DNAJC13: variants seen among roughly 807,000 people sequenced by gnomAD.
DNAJC13 encodes the protein DnaJ heat shock protein family (Hsp40) member C13, also known as dnaJ homolog subfamily C member 13.
DNAJC13 carries 75 observed loss-of-function variants against 290.5 expected under a neutral mutation model. That is an observed-to-expected ratio of 0.26 (90% CI 0.21 to 0.31). The LOEUF is 0.31. Among genes scored for constraint, DNAJC13 ranks in the 10% least tolerant of loss-of-function variants. The probability of loss-of-function intolerance (pLI) is 1.00; values close to 1 mark genes in which losing one functional copy is unlikely to be tolerated. For missense variants in DNAJC13, 2,260 were observed against 2,674.5 expected (o/e 0.85, Z 3.42); for synonymous variants, 862 against 892.0 (o/e 0.97, Z 0.60).
intron 9 of DNAJC13, among the ~76,000 whole-genome samples, chr3:132,454,575 A>G (rs1167114982): frequency 2.0e-5 from 3 of 151,838 alleles, no homozygotes; most frequent in Non-Finnish European, 4.4e-5. Context: ...CCTGACCTCA[A>G]GTGATCCGCC....
At chr3:132,435,969 A>G (rs112994955) in intron 2 of DNAJC13, among the ~76,000 whole-genome samples, 2 of 152,302 alleles carry the variant, frequency 1.3e-5, no homozygotes, top group East Asian at 1.9e-4. Flanking sequence ...GTAATAATTC[A>G]GAGTACAACT....
intron 2 of DNAJC13, among the ~76,000 whole-genome samples, chr3:132,439,747 C>T (rs1364256179): frequency 2.6e-5 from 4 of 152,140 alleles, no homozygotes; most frequent in Non-Finnish European, 5.9e-5. Flanking sequence ...TCTTCTAAAG[C>T]TCTTACTGAG....
intron 1 of DNAJC13, among the ~76,000 whole-genome samples, chr3:132,424,046 T>G (rs1939029584): frequency 6.6e-6 from 1 of 152,136 alleles, no homozygotes; most frequent in Admixed American, 6.5e-5. Context: ...ATAAGCCAGG[T>G]TATGCTTCAA....
chr3:132,424,453 G>C (rs1315454023), intron 1 of DNAJC13, among the ~76,000 whole-genome samples: 1 of 152,072 alleles, frequency 6.6e-6, no homozygotes, highest in African/African-American at 2.4e-5. Flanking sequence ...CTCCCATTAA[G>C]TGTTTCTTCA....
chr3:132,457,211 T>A, intron 12 of DNAJC13, 58 bp from the exon 13 acceptor site: 1 of 1,228,220 alleles, frequency 8.1e-7, no homozygotes, highest in East Asian at 2.4e-5. Context: ...ATTTCAATAA[T>A]ATAACAATTT....
rs1245771825 is a variant in DNAJC13 at position 132,538,182 on chromosome 3, G to C, written c.6632G>C (p.Gly2211Ala). ...SQTAGYLTGP[G>A]VAGYLTAGTS... is the part of the protein sequence containing the mutation. ...TTACCTTTCTCTCTTGCAGGACCTGGAGTTGCTGGCTACCTTACCGCAGGT... is the reference window on the plus strand; with the variant it reads ...TTACCTTTCTCTCTTGCAGGACCTGCAGTTGCTGGCTACCTTACCGCAGGT... Residue 2211 changes from glycine (G) to alanine (A), a missense_variant, in exon 56 of 56, where the codon GGA (glycine) becomes GCA (alanine). Transcript: ENST00000260818. The C allele has an allele frequency of 2.5e-6, 4 of 1,613,548 alleles. No homozygotes were observed. Among genetic ancestry groups the C allele is most frequent in the Non-Finnish European group, 3.4e-6 (4 of 1,179,818 alleles).
chr3:132,514,936 G>A, intron 46 of DNAJC13: 1 of 309,730 alleles, frequency 3.2e-6, no homozygotes, highest in Non-Finnish European at 6.0e-6. Flanking sequence ...TCTACACATG[G>A]GTAATTGAGA....
chr3:132,530,155 C>A (rs557006172), intron 54 of DNAJC13, among the ~76,000 whole-genome samples: 6 of 152,108 alleles, frequency 3.9e-5, no homozygotes, highest in Admixed American at 3.9e-4. Flanking sequence ...CAGGTGCCCC[C>A]CTCCCTTGGA....
In DNAJC13 at chr3:132,461,302, C is replaced by T. The variant is rs1326052045; in HGVS notation, c.1713+97C>T. On this transcript the variant is annotated intron_variant, in intron 15 of 55. Coordinates refer to ENST00000260818, the MANE Select transcript of DNAJC13 (RefSeq NM_015268.4). ...AGATAACATTTGCATACTTCTATAG[C>T]AGAGGTGTCCAGTCGTTTGGCTTTC... The T allele has an allele frequency of 3.3e-5, 44 of 1,344,310 alleles. 1 individual carries two copies. The highest frequency in any genetic ancestry group is 4.1e-5 in the Non-Finnish European group (39 of 952,332). 83.3% of individuals were successfully genotyped at this position (1,344,310 alleles called of 1,614,324 possible). A position where few individuals can be genotyped will look rare whatever the true frequency, so the allele number is the denominator to read the frequency against.
intron 2 of DNAJC13, among the ~76,000 whole-genome samples, chr3:132,439,675 A>G (rs932898610): frequency 6.6e-6 from 1 of 152,246 alleles, no homozygotes; most frequent in East Asian, 1.9e-4. Context: ...GAAAAGATAC[A>G]GACATTGCAT....
At chr3:132,509,695 C>T (rs1935707401) in intron 43 of DNAJC13, among the ~76,000 whole-genome samples, 1 of 152,216 alleles carries the variant, frequency 6.6e-6, no homozygotes, top group African/African-American at 2.4e-5. Context: ...TCAGCAACCA[C>T]CACCCTGATT....
intron 3 of DNAJC13, 102 bp from the exon 4 acceptor site, chr3:132,447,219 T>C (rs1933275440): frequency 3.0e-6 from 3 of 1,010,434 alleles, no homozygotes; most frequent in Non-Finnish European, 4.0e-6. Context: ...TTTTATAAAA[T>C]TTTGCTGATT....
chr3:132,457,411 G>A (rs892125388), intron 13 of DNAJC13, 43 bp downstream of exon 13: 1 of 1,501,250 alleles, frequency 6.7e-7, no homozygotes, highest in African/African-American at 1.4e-5. Flanking sequence ...TTCTTAAGTT[G>A]ACTGGTGGTT....
intron 1 of DNAJC13, among the ~76,000 whole-genome samples, chr3:132,426,619 A>G (rs564649860): frequency 6.6e-6 from 1 of 152,280 alleles, no homozygotes; most frequent in East Asian, 1.9e-4. Context: ...TACCTGCTTG[A>G]TACTTGAGCT....
intron 44 of DNAJC13, 86 bp from the exon 45 acceptor site, chr3:132,512,922 A>G (rs1271773003): frequency 1.7e-5 from 18 of 1,084,740 alleles, no homozygotes; most frequent in Non-Finnish European, 2.4e-5. Context: ...TAAAATTGAC[A>G]GTAAACAACA....
intron 20 of DNAJC13, among the ~76,000 whole-genome samples, chr3:132,468,797 A>G (rs756881294): frequency 1.3e-5 from 2 of 152,194 alleles, no homozygotes; most frequent in Non-Finnish European, 2.9e-5. Flanking sequence ...TGATTTTCAC[A>G]GTTATTAAAA....
intron 9 of DNAJC13, among the ~76,000 whole-genome samples, chr3:132,454,809 T>C (rs1933541817): frequency 6.6e-6 from 1 of 151,992 alleles, no homozygotes; most frequent in African/African-American, 2.4e-5. Flanking sequence ...AAAAAAAGTA[T>C]GGATGTTCTA....
At chr3:132,518,862 C>T (rs1377767429) in intron 48 of DNAJC13, among the ~76,000 whole-genome samples, 2 of 152,164 alleles carry the variant, frequency 1.3e-5, no homozygotes, top group Non-Finnish European at 2.9e-5. Flanking sequence ...CTTCCTTTCC[C>T]CTAGCACCTG....
intron 2 of DNAJC13, among the ~76,000 whole-genome samples, chr3:132,437,955 G>C (rs902560720): frequency 6.6e-6 from 1 of 151,464 alleles, no homozygotes; most frequent in Non-Finnish European, 1.5e-5. Flanking sequence ...GGAAGCTGCA[G>C]TGGGAGAATT....
Sources: allele counts gnomAD v4.1 joint callset (sites outside exome capture counted in the v4.1 genomes callset), GRCh38; gene constraint gnomAD v4.1.1; transcripts MANE v1.5; gene names NCBI Gene and HGNC (gene_info 2026-07-23, HGNC 2026-07-21).